The following RELN variants were observed in gnomAD, a reference collection of about 807,000 sequenced individuals.
RELN encodes the protein reelin.
In RELN, 108 loss-of-function variants were observed where a neutral mutation model predicts 427.6. The observed-to-expected ratio is 0.25, with a 90% CI of 0.22 to 0.30. The LOEUF is 0.30. Among genes scored for constraint, RELN ranks in the 10% least tolerant of loss-of-function variants. The pLI is 1.00. For synonymous variants in RELN, 1,524 were observed against 1,513.4 expected (o/e 1.01, Z -0.16); for missense variants, 3,715 against 4,302.8 (o/e 0.86, Z 3.82).
Position 103,661,769 on chromosome 7 carries a change from A to G in RELN, c.1290-242T>C, listed in dbSNP as rs150382591. 1.8e-3 allele frequency among the ~76,000 whole-genome samples: 267 copies of G among 152,316 alleles called. 1 individual carries two copies. The highest frequency in any genetic ancestry group is 6.1e-3 in the African/African-American group (252 of 41,574). On this transcript the variant is annotated intron_variant, in intron 11 of 64. Transcript: ENST00000428762. Reference sequence around the variant, plus strand: ...TCCTGTAGAGGGATGAATTTAATCAATCTTGTATACGGTGTGTCTACTTGT... The same window carrying G: ...TCCTGTAGAGGGATGAATTTAATCAGTCTTGTATACGGTGTGTCTACTTGT...
intron 6 of RELN, among the ~76,000 whole-genome samples, chr7:103,733,964 A>G (rs1790427256): frequency 6.6e-6 from 1 of 152,166 alleles, no homozygotes; most frequent in Non-Finnish European, 1.5e-5. Context: ...CTCTATAAAG[A>G]CCACAAGTAA....
chr7:103,630,860 G>GTTTT (rs1224190919), intron 19 of RELN, among the ~76,000 whole-genome samples: 307 of 134,460 alleles, frequency 2.3e-3, no homozygotes, highest in South Asian at 5.1e-3. Flanking sequence ...TGTTTTTTTT[G>GTTTT]TTTTTTTTTT....
chr7:103,735,529 T>C (rs1001496316), intron 6 of RELN, among the ~76,000 whole-genome samples: 1 of 152,086 alleles, frequency 6.6e-6, no homozygotes, highest in Non-Finnish European at 1.5e-5. Flanking sequence ...ATGAGAAAAT[T>C]GAGCTCCTTT....
rs901949455 is a variant in RELN, at chr7:103,917,066, A to T, written c.337+9T>A. 6.2e-7 allele frequency: 1 copy of T among 1,607,612 alleles called. No homozygotes were observed. The highest frequency in any genetic ancestry group is 1.7e-5 in the Admixed American group (1 of 59,946). On this transcript the variant is annotated intron_variant, in intron 2 of 64. Transcript: ENST00000428762. ...ACCCCCAAATTTCTGGTTTGTGAGA[A>T]TAGCTTACCAAATCCGAAAGCACTG... is the stretch of plus-strand genomic sequence containing the variant.
At chr7:103,881,849 A>C (rs1794614124) in intron 2 of RELN, among the ~76,000 whole-genome samples, 1 of 152,220 alleles carries the variant, frequency 6.6e-6, no homozygotes, top group Admixed American at 6.5e-5. Context: ...TGGGTGGTTT[A>C]CTAGGCAGCA....
Position 103,535,497 on chromosome 7 carries a change from A to G in RELN, c.7181-13T>C. 1 of 1,612,782 alleles carries G rather than the reference A, an allele frequency of 6.2e-7. No individual in the cohort carries two copies. Among genetic ancestry groups the G allele is most frequent in the East Asian group, 2.2e-5 (1 of 44,878 alleles). ...TCCAATTCAATCGCTGAAACAGGAA[A>G]CATTATTTTGGATATAAACACATAT... On this transcript the variant is annotated splice_polypyrimidine_tract_variant and intron_variant, in intron 45 of 64. Coordinates refer to ENST00000428762, the MANE Select transcript of RELN (RefSeq NM_005045.4).
intron 1 of RELN, among the ~76,000 whole-genome samples, chr7:103,987,107 C>T (rs1375128058): frequency 2.7e-5 from 4 of 149,770 alleles, no homozygotes; most frequent in African/African-American, 9.8e-5. Flanking sequence ...ACTTTAAGGC[C>T]TATAGCTACA....
In RELN at chr7:103,824,486, A is replaced by G. The variant is rs1223383772; in HGVS notation, c.473+9051T>C. On this transcript the variant is annotated intron_variant, in intron 3 of 64. Coordinates refer to ENST00000428762, the MANE Select transcript of RELN (RefSeq NM_005045.4). The surrounding 1 kb of genome is among the most constrained non-coding windows in gnomAD (Gnocchi z 4.4). ...CTGACAATAGCTCCAGGCCCCATAT[A>G]GGTTAAAACTCCAGATCTAGGACCT... 6.6e-6 allele frequency among the ~76,000 whole-genome samples: 1 copy of G among 152,004 alleles called. No individual in the cohort carries two copies. The highest frequency in any genetic ancestry group is 2.4e-5 in the African/African-American group (1 of 41,402).
chr7:103,524,801 G>T (rs1829787474), intron 46 of RELN, among the ~76,000 whole-genome samples: 1 of 152,164 alleles, frequency 6.6e-6, no homozygotes, highest in Admixed American at 6.5e-5. Context: ...TCCAATACAT[G>T]TCTGTTGAGC....
rs146144591 is a variant in RELN, at chr7:103,700,747, G to T, written c.902+163C>A. On this transcript the variant is annotated intron_variant, in intron 9 of 64. Coordinates refer to ENST00000428762, the MANE Select transcript of RELN (RefSeq NM_005045.4). Reference sequence around the variant, plus strand: ...TGACACTTTTAATAATATCTTCTCCGAGCAGGGCTGGTCATAATATGTGCA... The same window carrying T: ...TGACACTTTTAATAATATCTTCTCCTAGCAGGGCTGGTCATAATATGTGCA... Among the ~76,000 whole-genome samples the T allele has an allele frequency of 3.1e-3, 468 of 152,186 alleles. 3 individuals are homozygous for T. Among genetic ancestry groups the T allele is most frequent in the African/African-American group, 0.01 (436 of 41,544 alleles).
intron 19 of RELN, among the ~76,000 whole-genome samples, chr7:103,630,854 T>TTG (rs1175171260): frequency 0.041 from 4,497 of 109,370 alleles, 122 homozygotes; most frequent in East Asian, 0.14. Context: ...TTTTTTTGTT[T>TTG]TTTTTGTTTT....
chr7:103,824,636 G>GTGTGTGTGTT lies in RELN; in HGVS notation c.473+8900_473+8901insAACACACACA, dbSNP rs1793088912. ...CTTTCTTTCAAAACAGAGTGTGTGT[G>GTGTGTGTGTT]TGTGTGTGTGTGTGTGTGTGTGTGT... is the stretch of plus-strand genomic sequence containing the variant. On this transcript the variant is annotated intron_variant, in intron 3 of 64. Coordinates refer to ENST00000428762, the MANE Select transcript of RELN (RefSeq NM_005045.4). The surrounding 1 kb of genome is among the most constrained non-coding windows in gnomAD (Gnocchi z 4.4). Among the ~76,000 whole-genome samples the GTGTGTGTGTT allele has an allele frequency of 1.1e-5, 1 of 89,602 alleles. No individual in the cohort carries two copies. Among genetic ancestry groups the GTGTGTGTGTT allele is most frequent in the Non-Finnish European group, 2.5e-5 (1 of 39,836 alleles). 58.8% of individuals were successfully genotyped at this position (89,602 alleles called of 152,430 possible).
chr7:103,811,749 T>C (rs1792748377), intron 3 of RELN, among the ~76,000 whole-genome samples: 1 of 152,230 alleles, frequency 6.6e-6, no homozygotes, highest in South Asian at 2.1e-4. Flanking sequence ...CAAAAATTCA[T>C]TGAGCAGAAT....
chr7:103,770,005 G>A (rs149220880), intron 4 of RELN, among the ~76,000 whole-genome samples: 5 of 152,228 alleles, frequency 3.3e-5, no homozygotes, highest in Admixed American at 2.0e-4. Context: ...AGACAGCATC[G>A]AATCCAGAGC....
intron 46 of RELN, among the ~76,000 whole-genome samples, chr7:103,530,191 C>T (rs1278718169): frequency 1.3e-5 from 2 of 152,224 alleles, no homozygotes; most frequent in East Asian, 3.8e-4. Context: ...CCAGCCATCA[C>T]ATGTAATCCA....
Position 103,573,982 on chromosome 7 carries a change from G to T in RELN, c.4511+110C>A. The T allele has an allele frequency of 1.1e-6, 1 of 890,264 alleles. No homozygotes were observed. The highest frequency in any genetic ancestry group is 1.9e-6 in the Non-Finnish European group (1 of 536,152). The allele number at this position is 890,264 out of a possible 1,614,324, so 55.1% of individuals were successfully genotyped here. On this transcript the variant is annotated intron_variant, in intron 30 of 64. Coordinates refer to ENST00000428762, the MANE Select transcript of RELN (RefSeq NM_005045.4). The surrounding 1 kb of genome is among the most constrained non-coding windows in gnomAD (Gnocchi z 4.4). Reference sequence around the variant, plus strand: ...TTTTACATATCATAATCTATATACAGAAACATTATTGTATATATTCCCAAT... The same window carrying T: ...TTTTACATATCATAATCTATATACATAAACATTATTGTATATATTCCCAAT...
intron 4 of RELN, among the ~76,000 whole-genome samples, chr7:103,771,559 C>T (rs543944060): frequency 6.6e-6 from 1 of 152,356 alleles, no homozygotes; most frequent in East Asian, 1.9e-4. Flanking sequence ...GCAACTCCCT[C>T]AGAGCCAACA....
intron 17 of RELN, among the ~76,000 whole-genome samples, chr7:103,639,403 T>C (rs1292578352): frequency 1.5e-5 from 2 of 130,100 alleles, no homozygotes; most frequent in Non-Finnish European, 3.3e-5. Flanking sequence ...TTTTTCTCTC[T>C]TTTTTTTTTT....
intron 5 of RELN, among the ~76,000 whole-genome samples, chr7:103,752,407 T>G (rs1366095339): frequency 6.6e-6 from 1 of 152,100 alleles, no homozygotes; most frequent in African/African-American, 2.4e-5. Flanking sequence ...TTAAACAGTC[T>G]CATTTCAATT....
Sources: gnomAD v4.1 joint callset for allele counts (sites outside exome capture counted in the v4.1 genomes callset) on GRCh38, gnomAD v4.1.1 for gene constraint, Gnocchi (gnomAD v3.1) non-coding constraint, MANE v1.5 for transcripts, NCBI Gene and HGNC (gene_info 2026-07-23, HGNC 2026-07-21) for gene names.